Variants in KCNIP1 observed in about 807,000 individuals in gnomAD.
The protein encoded by KCNIP1 is A-type potassium channel modulatory protein KCNIP1.
KCNIP1 carries 18 observed loss-of-function variants against 33.0 expected under a neutral mutation model. The ratio of observed to expected loss-of-function variants is 0.55; its 90% CI spans 0.38 to 0.81. KCNIP1 has a LOEUF of 0.81. KCNIP1 is among the 30% of genes least tolerant of loss of function. KCNIP1 has a pLI of 0.00. For missense variants in KCNIP1, 238 were observed against 271.6 expected (o/e 0.88, Z 0.87); for synonymous variants, 93 against 98.3 (o/e 0.95, Z 0.32).
At chr5:170,625,091 C>T (rs1759770891) in intron 1 of KCNIP1, among the ~76,000 whole-genome samples, 3 of 152,104 alleles carry the variant, frequency 2.0e-5, no homozygotes, top group African/African-American at 2.4e-5. Flanking sequence ...CATTCAGAGC[C>T]TCTTTCTACT....
rs1754623465 is a variant in KCNIP1, at chr5:170,504,430, G to A, written c.-143G>A. On this transcript the variant is annotated 5_prime_UTR_variant, in exon 1 of 8. Transcript: ENST00000328939. This position sits in a 1 kb window ranked among gnomAD's most constrained non-coding sequence, Gnocchi z 6.0. ...AGAAGCCTCCTAGCCTCGCCTCCAC[G>A]CTTGCTGAATACCAAGCTGCAGGCG... 2 of 1,494,936 alleles carry A rather than the reference G, an allele frequency of 1.3e-6. No individual in the cohort carries two copies. The highest frequency in any genetic ancestry group is 4.6e-5 in the Admixed American group (2 of 43,354). The allele number at this position is 1,494,936 out of a possible 1,614,324, so 92.6% of individuals were successfully genotyped here.
At chr5:170,378,066 G>A (rs997635858) in intron 1 of KCNIP1, 1 of 152,184 alleles carries the variant, frequency 6.6e-6, no homozygotes, top group Admixed American at 6.5e-5. Flanking sequence ...ATTTAGAAAA[G>A]CAGCAAAAAT....
chr5:170,492,370 G>A (rs1469618869), intron 1 of KCNIP1, among the ~76,000 whole-genome samples: 2 of 152,244 alleles, frequency 1.3e-5, no homozygotes, highest in East Asian at 1.9e-4. Flanking sequence ...ATGAGGCATC[G>A]AGTTTCTATG....
intron 3 of KCNIP1, 58 bp from the exon 4 acceptor site, chr5:170,721,774 AG>A (rs775093265): frequency 4.3e-6 from 7 of 1,614,096 alleles, no homozygotes; most frequent in Non-Finnish European, 5.9e-6. Flanking sequence ...CTTGTTTGGA[AG>A]GTTCTCCCTG....
At chr5:170,598,889 C>CTGTGTGTGTGCGCGTGTG (rs1193319687) in intron 1 of KCNIP1, among the ~76,000 whole-genome samples, 1 of 141,732 alleles carries the variant, frequency 7.1e-6, no homozygotes, top group African/African-American at 2.7e-5. Context: ...CATAGCCCCG[C>CTGTGTGTGTGCGCGTGTG]TGTGTGTGTG....
intron 1 of KCNIP1, among the ~76,000 whole-genome samples, chr5:170,516,902 C>T (rs1581262666): frequency 5.3e-5 from 8 of 151,992 alleles, no homozygotes; most frequent in Admixed American, 5.2e-4. Flanking sequence ...TGGTGGGGAT[C>T]AGTATTAGAT....
At chr5:170,595,429 G>A (rs993178931) in intron 1 of KCNIP1, among the ~76,000 whole-genome samples, 2 of 152,200 alleles carry the variant, frequency 1.3e-5, no homozygotes, top group Non-Finnish European at 2.9e-5. Flanking sequence ...AGCCTGCATG[G>A]GCAGCCAATC....
At chr5:170,546,346 A>G (rs1192585014) in intron 1 of KCNIP1, among the ~76,000 whole-genome samples, 1 of 152,138 alleles carries the variant, frequency 6.6e-6, no homozygotes, top group Non-Finnish European at 1.5e-5. Flanking sequence ...CCAACCTTCC[A>G]TCCTCATTTC....
intron 1 of KCNIP1, among the ~76,000 whole-genome samples, chr5:170,682,325 G>A (rs2113796860): frequency 6.6e-6 from 1 of 152,288 alleles, no homozygotes; most frequent in Non-Finnish European, 1.5e-5. Flanking sequence ...GTGATCCAAA[G>A]GTTTCTTTGA....
intron 1 of KCNIP1, chr5:170,385,306 C>T (rs1764421552): frequency 6.2e-7 from 1 of 1,613,982 alleles, no homozygotes; most frequent in African/African-American, 1.3e-5. Flanking sequence ...GCCGGGAGAG[C>T]TCAGTACCTT....
chr5:170,534,492 GAGGAGGAGA>G (rs869143043), intron 1 of KCNIP1, among the ~76,000 whole-genome samples: 2 of 85,124 alleles, frequency 2.3e-5, no homozygotes, highest in Admixed American at 9.3e-5. Context: ...GGAGGAGGAG[GAGGAGGAGA>G]AGGAGGAGAA....
At position 170,504,374 on chromosome 5, in the gene KCNIP1, C is replaced by G. The variant is rs1410266594; in HGVS notation, c.-199C>G. 2 of 1,431,070 alleles carry G rather than the reference C, an allele frequency of 1.4e-6. No individual in the cohort carries two copies. Among genetic ancestry groups the G allele is most frequent in the Non-Finnish European group, 1.8e-6 (2 of 1,098,340 alleles). The allele number at this position is 1,431,070 out of a possible 1,614,324, so 88.6% of individuals were successfully genotyped here. ...TCGCGGGGAGCGGCTAGCCCTGAGTCCCTGCATGTGCGGGGCTGAAGAAGG... is the reference window on the plus strand; with the variant it reads ...TCGCGGGGAGCGGCTAGCCCTGAGTGCCTGCATGTGCGGGGCTGAAGAAGG... On this transcript the variant is annotated 5_prime_UTR_variant, in exon 1 of 8. Transcript: ENST00000328939. The surrounding 1 kb of genome is among the most constrained non-coding windows in gnomAD (Gnocchi z 6.0).
chr5:170,446,295 G>A (rs903140508), intron 1 of KCNIP1, among the ~76,000 whole-genome samples: 2 of 152,176 alleles, frequency 1.3e-5, no homozygotes, highest in African/African-American at 4.8e-5. Flanking sequence ...GACTGGGTTT[G>A]AAGGTATTGG....
chr5:170,660,371 TA>T (rs61001714), intron 1 of KCNIP1, among the ~76,000 whole-genome samples: 10,169 of 137,788 alleles, frequency 0.074, 470 homozygotes, highest in African/African-American at 0.14. Context: ...ATGATTTTTA[TA>T]AAAAAAAAAA....
intron 1 of KCNIP1, among the ~76,000 whole-genome samples, chr5:170,365,780 C>T (rs1361645065): frequency 6.6e-6 from 1 of 152,220 alleles, no homozygotes; most frequent in Non-Finnish European, 1.5e-5. Context: ...GGGAGTCACT[C>T]CTTCGAGCCT....
intron 1 of KCNIP1, among the ~76,000 whole-genome samples, chr5:170,495,912 G>C (rs1054802335): frequency 6.6e-6 from 1 of 152,160 alleles, no homozygotes; most frequent in Non-Finnish European, 1.5e-5. Flanking sequence ...CCTCTTCCTG[G>C]GTTTCTTCCT....
intron 1 of KCNIP1, among the ~76,000 whole-genome samples, chr5:170,655,816 A>T (rs188353795): frequency 4.6e-5 from 7 of 152,304 alleles, no homozygotes; most frequent in African/African-American, 1.7e-4. Context: ...TGTGGGGGGA[A>T]ATCCTATTCA....
At chr5:170,424,781 A>G (rs1475063926) in intron 1 of KCNIP1, among the ~76,000 whole-genome samples, 2 of 152,084 alleles carry the variant, frequency 1.3e-5, no homozygotes, top group African/African-American at 4.8e-5. Context: ...AAAAGCCTCC[A>G]ATGGCATCCC....
intron 1 of KCNIP1, among the ~76,000 whole-genome samples, chr5:170,552,648 T>C (rs1350667575): frequency 6.6e-6 from 1 of 151,354 alleles, no homozygotes; most frequent in African/African-American, 2.4e-5. Context: ...ATGCAGGAAA[T>C]GAAAGGGAGG....
Sources: gnomAD v4.1 joint callset for allele counts (sites outside exome capture counted in the v4.1 genomes callset) on GRCh38, gnomAD v4.1.1 for gene constraint, Gnocchi (gnomAD v3.1) non-coding constraint, MANE v1.5 for transcripts, NCBI Gene and HGNC (gene_info 2026-07-23, HGNC 2026-07-21) for gene names.